Variants in XRRA1 observed in about 807,000 individuals in gnomAD.
XRRA1 encodes X-ray radiation resistance associated 1.
A neutral mutation model predicts 80.2 loss-of-function variants in XRRA1; 69 were observed. The ratio of observed to expected loss-of-function variants is 0.86; its 90% CI spans 0.71 to 1.05. XRRA1 has a LOEUF of 1.05. XRRA1 is among the 50% of genes least tolerant of loss of function. The pLI is 0.00. For missense variants in XRRA1, 967 were observed against 976.4 expected (o/e 0.99, Z 0.13); for synonymous variants, 348 against 389.9 (o/e 0.89, Z 1.27).
In XRRA1 at chr11:74,852,013, T is replaced by G. The variant is rs746397444; in HGVS notation, c.1240A>C (p.Asn414His). ...PSLCEFVFHNNPLVAHTRGVP... is the reference protein window; with the variant it reads ...PSLCEFVFHNHPLVAHTRGVP... ...CCTCGTGTATGGGCCACCAGAGGGT[T>G]GTTATGAAAGACGAACTCGCAGAGA... Residue 414 changes from asparagine to histidine, a missense_variant, in exon 13 of 19, where the codon AAC becomes CAC. By Grantham distance (68) the Asn-to-His change is moderately conservative. Transcript: ENST00000684022. 68 of 1,613,792 alleles carry G rather than the reference T, an allele frequency of 4.2e-5. No homozygotes were observed. The highest frequency in any genetic ancestry group is 6.7e-5 in the African/African-American group (5 of 74,894).
At position 74,884,014 on chromosome 11, in the gene XRRA1, C is replaced by G. The variant is rs150271331; in HGVS notation, c.1004-20993G>C. On this transcript the variant is annotated intron_variant, in intron 10 of 18. Transcript: ENST00000684022. ...GGAGTTTGAGACCAGCCTGGGCTAA[C>G]ATGGTGAAACCCCATCTTTACTAAA... 2.5e-3 allele frequency among the ~76,000 whole-genome samples: 376 copies of G among 152,168 alleles called. 1 individual carries two copies. The highest frequency in any genetic ancestry group is 8.5e-3 in the African/African-American group (352 of 41,512).
chr11:74,931,086 C>A, intron 5 of XRRA1, among the ~76,000 whole-genome samples: 1 of 151,646 alleles, frequency 6.6e-6, no homozygotes, highest in Non-Finnish European at 1.5e-5. Flanking sequence ...GGATTACAGG[C>A]GTGAGCCACT....
chr11:74,887,064 C>A (rs2049209238), intron 10 of XRRA1, among the ~76,000 whole-genome samples: 1 of 152,196 alleles, frequency 6.6e-6, no homozygotes, highest in South Asian at 2.1e-4. Flanking sequence ...CAAAAACAAA[C>A]TCAGGATGCA....
chr11:74,892,086 C>T (rs1369742604), intron 10 of XRRA1, among the ~76,000 whole-genome samples: 2 of 152,120 alleles, frequency 1.3e-5, no homozygotes, highest in Non-Finnish European at 1.5e-5. Context: ...AAAAAGAGCC[C>T]GCATCGCCAA....
intron 10 of XRRA1, among the ~76,000 whole-genome samples, chr11:74,883,449 G>C (rs2048239486): frequency 6.6e-6 from 1 of 151,482 alleles, no homozygotes; most frequent in Non-Finnish European, 1.5e-5. Flanking sequence ...ACCTCAGATG[G>C]AAATGCAGAA....
rs373558361 is a variant in XRRA1 at position 74,862,977 on chromosome 11, C to T, written c.1044+4G>A. The T allele has an allele frequency of 4.4e-6, 7 of 1,598,530 alleles. No individual in the cohort carries two copies. The African/African-American group carries it at 9.4e-5, about 21-fold the overall frequency. ...AACACAAATATAAAGTAGTCAGTTC[C>T]TACCTCTGAGGTTGAAAATCCAGGG... On this transcript the variant is annotated splice_donor_region_variant and intron_variant, in intron 11 of 18. Transcript: ENST00000684022.
chr11:74,869,864 A>G (rs888369527), intron 10 of XRRA1, among the ~76,000 whole-genome samples: 1 of 152,196 alleles, frequency 6.6e-6, no homozygotes, highest in Non-Finnish European at 1.5e-5. Flanking sequence ...GCAGAAAGCT[A>G]TTCTCTTTCA....
chr11:74,940,663 G>T (rs1046593307), intron 3 of XRRA1, 122 bp downstream of exon 3: 1 of 777,552 alleles, frequency 1.3e-6, no homozygotes, highest in Non-Finnish European at 2.1e-6. Context: ...GACTGGAGGG[G>T]GAAGGATTAG....
chr11:74,865,903 C>T (rs1188930042), intron 10 of XRRA1, among the ~76,000 whole-genome samples: 3 of 152,202 alleles, frequency 2.0e-5, no homozygotes, highest in African/African-American at 7.2e-5. Context: ...TCAGTCTTTG[C>T]AAGACTTGCA....
intron 10 of XRRA1, among the ~76,000 whole-genome samples, chr11:74,883,605 T>C (rs1374755415): frequency 6.6e-6 from 1 of 152,252 alleles, no homozygotes; most frequent in Admixed American, 6.5e-5. Context: ...TCTTCTTGCC[T>C]AGAAGCTATT....
At chr11:74,934,846 C>T (rs1944544913) in intron 4 of XRRA1, among the ~76,000 whole-genome samples, 1 of 151,966 alleles carries the variant, frequency 6.6e-6, no homozygotes, top group African/African-American at 2.4e-5. Flanking sequence ...ATTGTAATGT[C>T]GGATACACAT....
At chr11:74,880,209 C>G (rs1459366574) in intron 10 of XRRA1, among the ~76,000 whole-genome samples, 2 of 152,256 alleles carry the variant, frequency 1.3e-5, no homozygotes, top group Admixed American at 6.5e-5. Context: ...TGTATGTGTC[C>G]AGGAATTTAT....
intron 7 of XRRA1, 144 bp from the exon 8 acceptor site, chr11:74,921,491 T>C: frequency 9.0e-7 from 1 of 1,109,530 alleles, no homozygotes; most frequent in South Asian, 1.6e-5. Flanking sequence ...ATTCAAGGTC[T>C]ACTAGAGTCA....
At chr11:74,862,865 C>T in intron 11 of XRRA1, 116 bp downstream of exon 11, 2 of 929,292 alleles carry the variant, frequency 2.2e-6, no homozygotes, top group Middle Eastern at 3.4e-4. Flanking sequence ...AATGAATGGG[C>T]TTCCTCAGTG....
chr11:74,843,482 C>T (rs1173489747), intron 18 of XRRA1, 29 bp from the exon 19 acceptor site: 1 of 1,599,798 alleles, frequency 6.3e-7, no homozygotes, highest in Non-Finnish European at 8.5e-7. Flanking sequence ...GGAGAGGCAC[C>T]AAGCTCATCC....
In XRRA1 at chr11:74,852,055, C is replaced by T. The variant is rs746420981; in HGVS notation, c.1198G>A (p.Val400Ile). The T allele has an allele frequency of 6.2e-7, 1 of 1,613,934 alleles. No individual in the cohort carries two copies. The highest frequency in any genetic ancestry group is 8.5e-7 in the Non-Finnish European group (1 of 1,179,858). The change falls in exon 13 of 19, where the codon GTA (valine) becomes ATA (isoleucine). Residue 400 changes from valine to isoleucine, a missense_variant. By Grantham distance (29) the Val-to-Ile change is conservative. Transcript: ENST00000684022. ...KIAKEDAVLP[V>I]ALFPSLCEFV... ...TCGCAGAGAGATGGGAAGAGAGCTA[C>T]TGGTAGGACAGCATCCTCTTTTGCG...
chr11:74,848,876 A>T (rs144871574), intron 14 of XRRA1, among the ~76,000 whole-genome samples: 7 of 152,306 alleles, frequency 4.6e-5, no homozygotes, highest in Non-Finnish European at 1.0e-4. Flanking sequence ...CATGGTGCCT[A>T]TGGCTTTCCC....
At chr11:74,878,175 T>TC (rs1565298887) in intron 10 of XRRA1, among the ~76,000 whole-genome samples, 4 of 151,922 alleles carry the variant, frequency 2.6e-5, no homozygotes. Flanking sequence ...TGAGATGGTA[T>TC]CTCATTGTGG....
At chr11:74,870,817 C>A (rs1468756472) in intron 10 of XRRA1, among the ~76,000 whole-genome samples, 1 of 152,174 alleles carries the variant, frequency 6.6e-6, no homozygotes, top group Non-Finnish European at 1.5e-5. Context: ...GAAAACTCAA[C>A]AATGAGGAGG....
Sources: allele counts gnomAD v4.1 joint callset (sites outside exome capture counted in the v4.1 genomes callset), GRCh38; gene constraint gnomAD v4.1.1; transcripts MANE v1.5; gene names NCBI Gene and HGNC (gene_info 2026-07-23, HGNC 2026-07-21).